NT5DC3: variants seen among roughly 807,000 people sequenced by gnomAD.
The protein encoded by NT5DC3 is 5'-nucleotidase domain-containing protein 3.
In NT5DC3, 42 loss-of-function variants were observed where a neutral mutation model predicts 67.8. The observed-to-expected ratio is 0.62, with a 90% CI of 0.48 to 0.80. NT5DC3 has a LOEUF of 0.80. NT5DC3 is among the 30% of genes least tolerant of loss of function. The pLI is 0.00. For missense variants in NT5DC3, 570 were observed against 696.4 expected, an observed-to-expected ratio of 0.82 and a Z score of 2.04; for synonymous variants, 237 against 255.6, an observed-to-expected ratio of 0.93 and a Z score of 0.69.
At chr12:103,810,112 C>T (rs1408870528) in intron 2 of NT5DC3, among the ~76,000 whole-genome samples, 1 of 152,210 alleles carries the variant, frequency 6.6e-6, no homozygotes, top group African/African-American at 2.4e-5. Flanking sequence ...GGATTGAGAA[C>T]TGGCGGCCTG....
chr12:103,825,826 TC>T (rs1887671240), intron 1 of NT5DC3, among the ~76,000 whole-genome samples: 1 of 152,208 alleles, frequency 6.6e-6, no homozygotes, highest in Non-Finnish European at 1.5e-5. Context: ...CAAAAATTTT[TC>T]ATTAGAATAT....
At chr12:103,795,173 A>G (rs1459291064) in intron 6 of NT5DC3, among the ~76,000 whole-genome samples, 1 of 152,254 alleles carries the variant, frequency 6.6e-6, no homozygotes, top group East Asian at 1.9e-4. Context: ...CTGGCTTAAA[A>G]TCAAGGCTCT....
chr12:103,794,024 C>T (rs200638974), intron 6 of NT5DC3, 27 bp from the exon 7 acceptor site: 50 of 1,585,270 alleles, frequency 3.2e-5, no homozygotes, highest in Non-Finnish European at 3.8e-5. Flanking sequence ...TTTTAATCAG[C>T]GAAAATACAA....
the NT5DC3 span, among the ~76,000 whole-genome samples, chr12:103,753,695 T>C: frequency 6.6e-6 from 1 of 152,220 alleles, no homozygotes. Flanking sequence ...AGATCCAATA[T>C]TTAAGGGTAG....
At chr12:103,784,327 C>G (rs1885677287) in intron 12 of NT5DC3, among the ~76,000 whole-genome samples, 1 of 152,206 alleles carries the variant, frequency 6.6e-6, no homozygotes, top group Non-Finnish European at 1.5e-5. Context: ...ACTAATGGAG[C>G]CCAGTGCATC....
chr12:103,777,805 A>C lies in NT5DC3; in HGVS notation c.*24T>G. The stretch of plus-strand genomic sequence containing the variant: ...CATGCCTGCCCAATCAGGGGCAGTT[A>C]CAGTTTCTAGTTTTTGCCCTTGGCT... On this transcript the variant is annotated 3_prime_UTR_variant, in exon 14 of 14. Transcript: ENST00000392876. 6.3e-7 allele frequency: 1 copy of C among 1,595,342 alleles called. No homozygotes were observed.
At chr12:103,766,082 A>T, downstream of NT5DC3, 1 of 703,604 alleles carries the variant, frequency 1.4e-6, no homozygotes, top group East Asian at 2.8e-5. Context: ...CCCAGCTTCA[A>T]GCAGGAGAGA....
At chr12:103,767,870 C>T (rs1291078391), downstream of NT5DC3, among the ~76,000 whole-genome samples, 3 of 151,230 alleles carry the variant, frequency 2.0e-5, no homozygotes, top group Non-Finnish European at 4.4e-5. Context: ...ATCACGAGGT[C>T]AGGAGTTCGA....
chr12:103,770,602 T>C (rs7138889), downstream of NT5DC3: 39,302 of 151,956 alleles, frequency 0.26, 5,563 homozygotes, highest in African/African-American at 0.36. Context: ...ACCCAACTAA[T>C]GTGGTTTATT....
chr12:103,748,847 G>A, the NT5DC3 span: 11 of 1,076,612 alleles, frequency 1.0e-5, no homozygotes, highest in Admixed American at 5.5e-5. Context: ...GCACGAACAC[G>A]CAGGGGCCCA....
intron 1 of NT5DC3, among the ~76,000 whole-genome samples, chr12:103,824,629 A>G (rs1016029830): frequency 1.4e-4 from 22 of 152,180 alleles, no homozygotes; most frequent in African/African-American, 5.3e-4. Flanking sequence ...GTGCAATATA[A>G]TAAATTGCAC....
At chr12:103,763,636 G>A in the NT5DC3 span, 1 of 1,586,456 alleles carries the variant, frequency 6.3e-7, no homozygotes, top group Non-Finnish European at 8.6e-7. Flanking sequence ...TCTAGGAATA[G>A]GTTCCCTTGG....
intron 9 of NT5DC3, among the ~76,000 whole-genome samples, chr12:103,791,796 C>T (rs974596044): frequency 4.6e-5 from 7 of 152,296 alleles, no homozygotes; most frequent in Non-Finnish European, 7.4e-5. Context: ...CTCAAAGGAG[C>T]GGAACCCTAT....
chr12:103,833,005 C>T (rs576777953), intron 1 of NT5DC3, among the ~76,000 whole-genome samples: 1 of 152,254 alleles, frequency 6.6e-6, no homozygotes, highest in African/African-American at 2.4e-5. Flanking sequence ...TACTCTATAT[C>T]CCTGCTGCGT....
At chr12:103,755,097 AAG>A in the NT5DC3 span, 1 of 611,748 alleles carries the variant, frequency 1.6e-6, no homozygotes, top group Non-Finnish European at 2.8e-6. Context: ...ACCTACAAGA[AAG>A]AGAGGACACT....
At chr12:103,799,463 A>G (rs1222979220) in intron 4 of NT5DC3, among the ~76,000 whole-genome samples, 12 of 151,354 alleles carry the variant, frequency 7.9e-5, no homozygotes. Context: ...TGGCTCTCAT[A>G]CTCTCTTGCC....
chr12:103,768,825 C>T (rs1241488932), downstream of NT5DC3: 1 of 151,648 alleles, frequency 6.6e-6, no homozygotes, highest in Non-Finnish European at 1.5e-5. Flanking sequence ...ACTGAGGACC[C>T]GAAAACACAA....
chr12:103,822,658 T>C (rs1887539808), intron 1 of NT5DC3, among the ~76,000 whole-genome samples: 1 of 152,234 alleles, frequency 6.6e-6, no homozygotes, highest in African/African-American at 2.4e-5. Flanking sequence ...TGTTCTATTC[T>C]TGTTTTGTCT....
the NT5DC3 span, chr12:103,755,221 T>C: frequency 1.4e-5 from 22 of 1,556,802 alleles, no homozygotes; most frequent in Admixed American, 1.2e-4. Context: ...TATGGCCTAA[T>C]AGGGGAATCA....
Sources: gnomAD v4.1 joint callset for allele counts (sites outside exome capture counted in the v4.1 genomes callset) on GRCh38, gnomAD v4.1.1 for gene constraint, MANE v1.5 for transcripts, NCBI Gene and HGNC (gene_info 2026-07-23, HGNC 2026-07-21) for gene names.